Variants in MAP6 observed in about 807,000 individuals in gnomAD.
MAP6 encodes the protein microtubule associated protein 6.
MAP6 carries 26 observed loss-of-function variants against 42.4 expected under a neutral mutation model. That is an observed-to-expected ratio of 0.61 (90% CI 0.45 to 0.85). MAP6 has a LOEUF of 0.85. MAP6 is among the 40% of genes least tolerant of loss of function. The probability of loss-of-function intolerance (pLI) is 0.00; values close to 1 mark genes in which losing one functional copy is unlikely to be tolerated. For missense variants in MAP6, 966 were observed against 1,099.0 expected (o/e 0.88, Z 1.71); for synonymous variants, 418 against 443.8 (o/e 0.94, Z 0.73).
intron 1 of MAP6, among the ~76,000 whole-genome samples, chr11:75,632,671 G>C (rs573106117): frequency 4.8e-4 from 73 of 152,158 alleles, no homozygotes; most frequent in African/African-American, 1.7e-3. Context: ...GTATTCTCTG[G>C]ACTAGGGAAT....
At chr11:75,645,449 G>GC (rs1330806950) in intron 1 of MAP6, among the ~76,000 whole-genome samples, 1 of 152,136 alleles carries the variant, frequency 6.6e-6, no homozygotes, top group East Asian at 1.9e-4. Flanking sequence ...ACAGAGTACA[G>GC]AATTTCCAAG....
chr11:75,667,468 T>C lies in MAP6; in HGVS notation c.902A>G (p.Tyr301Cys). 2 of 1,501,068 alleles carry C rather than the reference T, an allele frequency of 1.3e-6. No homozygotes were observed. Among genetic ancestry groups the C allele is most frequent in the Non-Finnish European group, 1.8e-6 (2 of 1,133,478 alleles). The allele number at this position is 1,501,068 out of a possible 1,614,324, so 93.0% of individuals were successfully genotyped here. The part of the protein sequence containing the change: ...EEVASAVSSS[Y>C]RNEFRAWTDI... ...GCTAGCAGCGGCCGCGTCTCACCTG[T>C]AGGAGCTGCTCACTGCACTCGCCAC... The change falls in exon 1 of 4, where the codon TAC becomes TGC. Residue 301 changes from tyrosine (Y) to cysteine (C), a missense_variant. By Grantham distance (194) the Tyr-to-Cys change is radical. Around this residue, in one of 2 missense-constraint regions of MAP6, gnomAD observed 943 missense variants for 1,049.9 expected, o/e 0.90. Coordinates refer to ENST00000304771, the MANE Select transcript of MAP6 (RefSeq NM_033063.2). The surrounding 1 kb of genome is among the most constrained non-coding windows in gnomAD (Gnocchi z 5.6).
chr11:75,630,524 C>T (rs993476397), intron 1 of MAP6, among the ~76,000 whole-genome samples: 67 of 152,134 alleles, frequency 4.4e-4, no homozygotes, highest in African/African-American at 1.5e-3. Context: ...TTAAAAGAGG[C>T]TTCTATCTGA....
intron 1 of MAP6, among the ~76,000 whole-genome samples, chr11:75,609,838 G>A (rs1020292352): frequency 3.9e-5 from 6 of 152,108 alleles, no homozygotes; most frequent in African/African-American, 9.7e-5. Flanking sequence ...GTTATGGTTC[G>A]AATGTTTGTC....
chr11:75,642,085 T>C (rs1943479783), intron 1 of MAP6, among the ~76,000 whole-genome samples: 1 of 152,250 alleles, frequency 6.6e-6, no homozygotes, highest in Non-Finnish European at 1.5e-5. Context: ...ATTTCCTAAT[T>C]CTTTTAGCAC....
At chr11:75,599,802 G>A (rs561932905) in intron 3 of MAP6, among the ~76,000 whole-genome samples, 37 of 152,338 alleles carry the variant, frequency 2.4e-4, no homozygotes, top group South Asian at 1.0e-3. Context: ...TGGAAGCCTG[G>A]ATTCCAGTGC....
intron 1 of MAP6, among the ~76,000 whole-genome samples, chr11:75,610,666 G>C (rs1942881128): frequency 6.6e-6 from 1 of 152,196 alleles, no homozygotes; most frequent in African/African-American, 2.4e-5. Context: ...TTTGAGAGCA[G>C]TGTGAATGGT....
At chr11:75,645,145 G>A (rs1016687923) in intron 1 of MAP6, among the ~76,000 whole-genome samples, 42 of 152,282 alleles carry the variant, frequency 2.8e-4, no homozygotes, top group African/African-American at 9.4e-4. Context: ...AGAAGTGACT[G>A]CACTGCTGCC....
chr11:75,604,238 C>A (rs771784419), intron 3 of MAP6: 51 of 985,728 alleles, frequency 5.2e-5, no homozygotes, highest in Non-Finnish European at 5.8e-5. Flanking sequence ...AATTAATTTA[C>A]AAAAGACTTC....
At chr11:75,641,218 G>A (rs1943464194) in intron 1 of MAP6, among the ~76,000 whole-genome samples, 1 of 151,284 alleles carries the variant, frequency 6.6e-6, no homozygotes, top group Non-Finnish European at 1.5e-5. Flanking sequence ...ATCATTCTCA[G>A]CAAACTATTG....
chr11:75,639,164 G>A (rs1000299936), intron 1 of MAP6, among the ~76,000 whole-genome samples: 6 of 152,104 alleles, frequency 3.9e-5, no homozygotes, highest in African/African-American at 1.4e-4. Context: ...GGTGGGAGGC[G>A]GGTAAAGGAT....
At chr11:75,593,254 C>A (rs1942511717) in intron 3 of MAP6, among the ~76,000 whole-genome samples, 1 of 152,230 alleles carries the variant, frequency 6.6e-6, no homozygotes, top group Non-Finnish European at 1.5e-5. Flanking sequence ...TGGGTTCTGA[C>A]TTAATACTTG....
intron 1 of MAP6, among the ~76,000 whole-genome samples, chr11:75,614,277 A>G (rs1300436653): frequency 6.6e-6 from 1 of 152,164 alleles, no homozygotes; most frequent in East Asian, 1.9e-4. Context: ...TAAAGTTGCT[A>G]TGCAACATCT....
At chr11:75,652,935 T>C (rs1943673702) in intron 1 of MAP6, among the ~76,000 whole-genome samples, 2 of 152,044 alleles carry the variant, frequency 1.3e-5, no homozygotes. Flanking sequence ...TGGGGCACAG[T>C]TCTGTTTATG....
At chr11:75,631,116 T>A (rs1943277639) in intron 1 of MAP6, among the ~76,000 whole-genome samples, 1 of 152,206 alleles carries the variant, frequency 6.6e-6, no homozygotes, top group African/African-American at 2.4e-5. Flanking sequence ...GGTGCCAATG[T>A]GACTGGTTTA....
intron 1 of MAP6, among the ~76,000 whole-genome samples, chr11:75,648,786 G>A (rs1466190719): frequency 6.6e-6 from 1 of 152,168 alleles, no homozygotes; most frequent in African/African-American, 2.4e-5. Context: ...GTAGGAATAT[G>A]CAATTCACAG....
At chr11:75,646,166 A>G (rs1041489845) in intron 1 of MAP6, among the ~76,000 whole-genome samples, 5 of 152,140 alleles carry the variant, frequency 3.3e-5, no homozygotes, top group Non-Finnish European at 7.4e-5. Context: ...CATAGGAAGG[A>G]AGGACAATTA....
chr11:75,625,491 C>G (rs185521449), intron 1 of MAP6, among the ~76,000 whole-genome samples: 1 of 152,176 alleles, frequency 6.6e-6, no homozygotes, highest in African/African-American at 2.4e-5. Context: ...ACAAACATGC[C>G]CTCAATCCCC....
chr11:75,649,534 T>G (rs921529763), intron 1 of MAP6, among the ~76,000 whole-genome samples: 1 of 152,046 alleles, frequency 6.6e-6, no homozygotes, highest in Admixed American at 6.6e-5. Context: ...AAATATGATT[T>G]ATTTATTTAT....
Sources: gnomAD v4.1 joint callset for allele counts (sites outside exome capture counted in the v4.1 genomes callset) on GRCh38, gnomAD v4.1.1 for gene constraint, gnomAD v4.1.1 regional missense constraint, Gnocchi (gnomAD v3.1) non-coding constraint, MANE v1.5 for transcripts, NCBI Gene and HGNC (gene_info 2026-07-23, HGNC 2026-07-21) for gene names.